The following ADGRB3 variants were observed in gnomAD, a reference collection of about 807,000 sequenced individuals.
The protein encoded by ADGRB3 is brain-specific angiogenesis inhibitor 3.
Under a neutral mutation model 193.4 loss-of-function variants are expected in ADGRB3, and 37 were observed. That is an observed-to-expected ratio of 0.19 (90% CI 0.15 to 0.25). The LOEUF is 0.25. Among genes scored for constraint, ADGRB3 ranks in the 10% least tolerant of loss-of-function variants. The pLI, the probability that ADGRB3 is intolerant of heterozygous loss-of-function variation, is 1.00. For missense variants in ADGRB3, 1,637 were observed against 1,852.9 expected (o/e 0.88, Z 2.14); for synonymous variants, 690 against 644.2 (o/e 1.07, Z -1.08).
At chr6:69,081,005 G>A (rs777113411) in intron 17 of ADGRB3, among the ~76,000 whole-genome samples, 1 of 151,968 alleles carries the variant, frequency 6.6e-6, no homozygotes, top group South Asian at 2.1e-4. Context: ...CTAAGGTCTT[G>A]TAGTTGTTCT....
chr6:68,648,586 A>C (rs1305512717), intron 3 of ADGRB3, among the ~76,000 whole-genome samples: 1 of 151,278 alleles, frequency 6.6e-6, no homozygotes, highest in Non-Finnish European at 1.5e-5. Context: ...AATGCTTAAA[A>C]ATCATTAAGA....
chr6:69,000,754 G>T (rs963298131), intron 11 of ADGRB3, among the ~76,000 whole-genome samples: 2 of 152,196 alleles, frequency 1.3e-5, no homozygotes, highest in Non-Finnish European at 2.9e-5. Flanking sequence ...CTTTGTGCAT[G>T]TCCACAGTTG....
At chr6:69,171,616 T>C (rs891269391) in intron 17 of ADGRB3, among the ~76,000 whole-genome samples, 1 of 152,158 alleles carries the variant, frequency 6.6e-6, no homozygotes, top group African/African-American at 2.4e-5. Flanking sequence ...TTCTGGGAAG[T>C]ATAAGAAAGA....
At chr6:69,106,161 C>T (rs1267881069) in intron 17 of ADGRB3, among the ~76,000 whole-genome samples, 1 of 24,598 alleles carries the variant, frequency 4.1e-5, no homozygotes. Context: ...TGTGAGACTG[C>T]GTTAAAAAAA....
intron 20 of ADGRB3, among the ~76,000 whole-genome samples, chr6:69,259,810 T>G (rs1228930924): frequency 2.6e-5 from 4 of 151,970 alleles, no homozygotes; most frequent in Admixed American, 2.6e-4. Flanking sequence ...AAAATATTAA[T>G]GGACTCAGAT....
At chr6:68,728,297 T>C (rs947041795) in intron 3 of ADGRB3, among the ~76,000 whole-genome samples, 43 of 151,646 alleles carry the variant, frequency 2.8e-4, no homozygotes, top group Admixed American at 8.6e-4. Context: ...CAGATGAGAT[T>C]TGACAATGTT....
intron 17 of ADGRB3, among the ~76,000 whole-genome samples, chr6:69,172,767 CAG>C (rs1312183734): frequency 1.3e-5 from 2 of 151,162 alleles, no homozygotes; most frequent in Non-Finnish European, 2.9e-5. Context: ...TTTGTGCAGT[CAG>C]GGGAGGCCTT....
At chr6:68,808,727 G>T (rs955787289) in intron 3 of ADGRB3, among the ~76,000 whole-genome samples, 3 of 140,018 alleles carry the variant, frequency 2.1e-5, no homozygotes, top group African/African-American at 7.4e-5. Context: ...AGAAGAGGAG[G>T]AGAGAAAAAA....
chr6:68,784,237 C>T (rs977698446), intron 3 of ADGRB3, among the ~76,000 whole-genome samples: 7 of 152,048 alleles, frequency 4.6e-5, no homozygotes, highest in South Asian at 4.2e-4. Context: ...AAACTGTTGC[C>T]GTAAGTCTAC....
Position 68,848,434 on chromosome 6 carries a change from G to A in ADGRB3, c.758-82125G>A, listed in dbSNP as rs181898229. Among the ~76,000 whole-genome samples, 6 of 152,112 alleles carry A rather than the reference G, an allele frequency of 3.9e-5. No homozygotes were observed. In the East Asian group the frequency reaches 1.2e-3, roughly 29 times the overall value. On this transcript the variant is annotated intron_variant, in intron 3 of 31. Coordinates refer to ENST00000370598, the MANE Select transcript of ADGRB3 (RefSeq NM_001704.3). ...GCTAGGTAAAACTCAAATTTTGAGTGTTTTCATTTAAAATGAGCTTTTAAT... is the reference window on the plus strand; with the variant it reads ...GCTAGGTAAAACTCAAATTTTGAGTATTTTCATTTAAAATGAGCTTTTAAT...
At chr6:69,085,198 T>C (rs1772512223) in intron 17 of ADGRB3, among the ~76,000 whole-genome samples, 1 of 152,078 alleles carries the variant, frequency 6.6e-6, no homozygotes, top group Non-Finnish European at 1.5e-5. Context: ...CATTTCTCCT[T>C]ATTCTCAGAA....
At position 69,330,503 on chromosome 6, in the gene ADGRB3, C is replaced by A; in HGVS notation, c.3036-3C>A. 2 of 1,601,912 alleles carry A rather than the reference C, an allele frequency of 1.2e-6. No homozygotes were observed. The highest frequency in any genetic ancestry group is 1.7e-6 in the Non-Finnish European group (2 of 1,173,250). On this transcript the variant is annotated splice_region_variant and splice_polypyrimidine_tract_variant and intron_variant, in intron 22 of 31. Coordinates refer to ENST00000370598, the MANE Select transcript of ADGRB3 (RefSeq NM_001704.3). ...GTTAGTTCTTATCTAATGTCATTTT[C>A]AGCTGCTGGCTCTCTCTTGAAGGAG...
At chr6:68,868,904 GATA>G (rs147173212) in intron 3 of ADGRB3, among the ~76,000 whole-genome samples, 16 of 64,028 alleles carry the variant, frequency 2.5e-4, no homozygotes, top group Admixed American at 1.1e-3. Flanking sequence ...AGGACTTCCA[GATA>G]ATGATGTGTG....
chr6:68,645,759 G>A (rs1337570181), intron 3 of ADGRB3, among the ~76,000 whole-genome samples: 4 of 151,982 alleles, frequency 2.6e-5, no homozygotes, highest in South Asian at 2.1e-4. Flanking sequence ...TGCAACCTCC[G>A]CTTCCAGAGT....
chr6:68,949,630 G>A (rs1280959524), intron 6 of ADGRB3, among the ~76,000 whole-genome samples: 1 of 152,120 alleles, frequency 6.6e-6, no homozygotes, highest in African/African-American at 2.4e-5. Context: ...CCCTGATTGT[G>A]TTTGCATGAG....
At chr6:68,913,016 C>T (rs1766763458) in intron 3 of ADGRB3, among the ~76,000 whole-genome samples, 1 of 152,176 alleles carries the variant, frequency 6.6e-6, no homozygotes, top group Non-Finnish European at 1.5e-5. Context: ...GGGAGGGGCA[C>T]CTGCCATTGC....
At chr6:69,077,217 C>T (rs954791310) in intron 17 of ADGRB3, among the ~76,000 whole-genome samples, 50 of 151,844 alleles carry the variant, frequency 3.3e-4, no homozygotes, top group African/African-American at 9.9e-4. Context: ...ACAGACAAAT[C>T]CATGATAGTA....
At chr6:69,165,291 G>T (rs954531147) in intron 17 of ADGRB3, among the ~76,000 whole-genome samples, 1 of 151,942 alleles carries the variant, frequency 6.6e-6, no homozygotes, top group African/African-American at 2.4e-5. Flanking sequence ...GCTCAATAGA[G>T]GTGCAAGAAC....
chr6:69,052,451 A>G (rs557675921), intron 15 of ADGRB3, among the ~76,000 whole-genome samples: 5 of 152,346 alleles, frequency 3.3e-5, no homozygotes. Context: ...TTTACTAATT[A>G]TCTGTTGAAA....
Sources: allele counts gnomAD v4.1 joint callset (sites outside exome capture counted in the v4.1 genomes callset), GRCh38; gene constraint gnomAD v4.1.1; transcripts MANE v1.5; gene names NCBI Gene and HGNC (gene_info 2026-07-23, HGNC 2026-07-21).